ZNF385D: variants seen among roughly 807,000 people sequenced by gnomAD.
ZNF385D encodes zinc finger protein 385D.
A neutral mutation model predicts 35.8 loss-of-function variants in ZNF385D; 15 were observed. That is an observed-to-expected ratio of 0.42 (90% confidence interval 0.28 to 0.64). The LOEUF is 0.64. ZNF385D is among the 30% of genes least tolerant of loss of function. The pLI is 0.23. For synonymous variants in ZNF385D, 212 were observed against 186.8 expected (o/e 1.13, Z -1.10); for missense variants, 474 against 494.6 (o/e 0.96, Z 0.39).
intron 2 of ZNF385D, among the ~76,000 whole-genome samples, chr3:21,571,992 T>C (rs373466369): frequency 1.3e-5 from 2 of 152,170 alleles, no homozygotes; most frequent in South Asian, 2.1e-4. Flanking sequence ...CTAGGCATGA[T>C]TGACTGAATC....
intron 2 of ZNF385D, among the ~76,000 whole-genome samples, chr3:21,639,680 C>G (rs2065544817): frequency 1.3e-5 from 2 of 152,008 alleles, no homozygotes; most frequent in East Asian, 1.9e-4. Context: ...ATTTGACCAT[C>G]CTAACACTGC....
chr3:21,733,982 G>GTT (rs200784246), intron 1 of ZNF385D, among the ~76,000 whole-genome samples: 1 of 151,814 alleles, frequency 6.6e-6, no homozygotes, highest in Non-Finnish European at 1.5e-5. Flanking sequence ...TAATTATTAT[G>GTT]TTTTTTTGGT....
At chr3:21,995,231 T>C (rs1009773231) in intron 3 of ZNF385D, among the ~76,000 whole-genome samples, 3 of 152,196 alleles carry the variant, frequency 2.0e-5, no homozygotes, top group African/African-American at 7.2e-5. Context: ...TAGGGGCCAA[T>C]GGTATAGTTG....
chr3:21,868,102 A>G (rs1057499447), intron 3 of ZNF385D, among the ~76,000 whole-genome samples: 1 of 152,146 alleles, frequency 6.6e-6, no homozygotes, highest in Admixed American at 6.6e-5. Context: ...GAAATGTACA[A>G]GCATTTTTTC....
At chr3:21,527,351 G>A (rs1225788951) in intron 3 of ZNF385D, among the ~76,000 whole-genome samples, 1 of 152,066 alleles carries the variant, frequency 6.6e-6, no homozygotes, top group African/African-American at 2.4e-5. Context: ...CTATACCTTC[G>A]TACAGTCAGA....
At chr3:21,546,553 C>G (rs921745263) in intron 3 of ZNF385D, among the ~76,000 whole-genome samples, 1 of 151,864 alleles carries the variant, frequency 6.6e-6, no homozygotes, top group Non-Finnish European at 1.5e-5. Flanking sequence ...GTCCATGCAA[C>G]CCCCCTGAGA....
At position 21,424,316 on chromosome 3, in the gene ZNF385D, TA is replaced by T. The variant is rs1199583387; in HGVS notation, c.853-253del. Reference sequence around the variant, plus strand: ...ATATATATATTTATATATATATATATATTTTTTTTTTTTTTTGAGATGGAGT... The same window carrying T: ...ATATATATATTTATATATATATATATTTTTTTTTTTTTTTTGAGATGGAGT... On this transcript the variant is annotated intron_variant, in intron 6 of 7. Coordinates refer to ENST00000281523, the MANE Select transcript of ZNF385D (RefSeq NM_024697.3). Among the ~76,000 whole-genome samples, 123 of 40,358 alleles carry T rather than the reference TA, an allele frequency of 3.0e-3. 4 individuals are homozygous for T. The highest frequency in any genetic ancestry group is 4.6e-3 in the African/African-American group (63 of 13,730). The allele number at this position is 40,358 out of a possible 152,430, so 26.5% of individuals were successfully genotyped here.
chr3:21,948,433 C>A (rs1701901417), intron 3 of ZNF385D, among the ~76,000 whole-genome samples: 1 of 152,030 alleles, frequency 6.6e-6, no homozygotes, highest in African/African-American at 2.4e-5. Context: ...TTCTGCTCCT[C>A]CTTAAATTCC....
chr3:21,479,043 T>C (rs1035747856), intron 4 of ZNF385D, among the ~76,000 whole-genome samples: 1 of 107,376 alleles, frequency 9.3e-6, no homozygotes, highest in Non-Finnish European at 2.0e-5. Context: ...TTCTTGTAAA[T>C]ATTGGGTATA....
intron 2 of ZNF385D, among the ~76,000 whole-genome samples, chr3:22,225,927 A>C (rs574056483): frequency 4.6e-5 from 7 of 152,190 alleles, no homozygotes; most frequent in African/African-American, 1.2e-4. Flanking sequence ...ACGTGTGCAC[A>C]TATGTCTCTT....
chr3:21,473,347 C>A (rs1704024577), intron 4 of ZNF385D, among the ~76,000 whole-genome samples: 1 of 152,042 alleles, frequency 6.6e-6, no homozygotes, highest in South Asian at 2.1e-4. Flanking sequence ...TCACATAGGT[C>A]CTGGCTGTGT....
At chr3:22,273,826 C>T (rs1701294467) in intron 2 of ZNF385D, among the ~76,000 whole-genome samples, 1 of 151,860 alleles carries the variant, frequency 6.6e-6, no homozygotes, top group South Asian at 2.1e-4. Flanking sequence ...AGGTTACATA[C>T]AATTTGCACA....
At chr3:21,523,840 G>A (rs1708062072) in intron 3 of ZNF385D, among the ~76,000 whole-genome samples, 1 of 152,064 alleles carries the variant, frequency 6.6e-6, no homozygotes, top group Non-Finnish European at 1.5e-5. Flanking sequence ...GCAGGGGCAG[G>A]GAGTCTAGAT....
At chr3:22,005,321 C>T (rs534344538) in intron 3 of ZNF385D, among the ~76,000 whole-genome samples, 3 of 151,758 alleles carry the variant, frequency 2.0e-5, no homozygotes, top group Non-Finnish European at 4.4e-5. Flanking sequence ...AAAGGGGACT[C>T]CTATACACTG....
At position 21,989,681 on chromosome 3, in the gene ZNF385D, A is replaced by AT. The variant is rs200089260; in HGVS notation, c.325+179135_325+179136insA. Among the ~76,000 whole-genome samples, 95 of 77,998 alleles carry AT rather than the reference A, an allele frequency of 1.2e-3. No homozygotes were observed. The East Asian group carries it at 0.015, about 12-fold the overall frequency. The allele number at this position is 77,998 out of a possible 152,430, so 51.2% of individuals were successfully genotyped here. A position where few individuals can be genotyped will look rare whatever the true frequency, so the allele number is the denominator to read the frequency against. ...ATGTTTTCTTTCCACAATAATAATA[A>AT]AAAAAAAAGGACAGCCAAACCATCC... On this transcript the variant is annotated intron_variant, in intron 3 of 5. Coordinates refer to the ZNF385D transcript ENST00000494108.
chr3:21,573,589 C>T (rs1312853215), intron 2 of ZNF385D, among the ~76,000 whole-genome samples: 1 of 152,086 alleles, frequency 6.6e-6, no homozygotes. Flanking sequence ...CAAAAAGCTA[C>T]AGGATGGAAA....
At chr3:21,690,397 A>G (rs1424221021) in intron 1 of ZNF385D, among the ~76,000 whole-genome samples, 1 of 152,174 alleles carries the variant, frequency 6.6e-6, no homozygotes, top group Admixed American at 6.5e-5. Context: ...CTGCAGACCT[A>G]CAGTGCCACA....
At chr3:21,479,964 A>C (rs1479701353) in intron 4 of ZNF385D, among the ~76,000 whole-genome samples, 1 of 152,196 alleles carries the variant, frequency 6.6e-6, no homozygotes, top group Non-Finnish European at 1.5e-5. Context: ...ATCTACAGCC[A>C]TCAGAGATTA....
intron 4 of ZNF385D, among the ~76,000 whole-genome samples, chr3:21,454,315 T>C (rs1251427706): frequency 1.3e-5 from 2 of 151,260 alleles, no homozygotes; most frequent in Non-Finnish European, 3.0e-5. Context: ...CCTGTTTGTA[T>C]ACTTTAAAAT....
Sources: allele counts gnomAD v4.1 joint callset (sites outside exome capture counted in the v4.1 genomes callset), GRCh38; gene constraint gnomAD v4.1.1; transcripts MANE v1.5; gene names NCBI Gene and HGNC (gene_info 2026-07-23, HGNC 2026-07-21).